CDH13: variants seen among roughly 807,000 people sequenced by gnomAD.
CDH13 encodes the protein cadherin-13.
Under a neutral mutation model 63.8 loss-of-function variants are expected in CDH13, and 24 were observed. The ratio of observed to expected loss-of-function variants is 0.38; its 90% confidence interval spans 0.27 to 0.53. The LOEUF (loss-of-function observed/expected upper bound fraction) is 0.53, where lower values mean the gene tolerates loss of function less well. CDH13 is among the 20% of genes least tolerant of loss of function. The pLI is 0.85. For missense variants in CDH13, 1,049 were observed against 903.1 expected (o/e 1.16, Z -2.07); for synonymous variants, 503 against 355.3 (o/e 1.42, Z -4.67).
intron 5 of CDH13, among the ~76,000 whole-genome samples, chr16:83,268,583 A>C (rs1432687645): frequency 5.9e-5 from 9 of 152,330 alleles, no homozygotes; most frequent in African/African-American, 1.2e-4. Flanking sequence ...GACAAAGTCT[A>C]CGTTTCTACG....
chr16:82,994,906 C>T (rs1240527257), intron 2 of CDH13, among the ~76,000 whole-genome samples: 1 of 152,182 alleles, frequency 6.6e-6, no homozygotes, highest in African/African-American at 2.4e-5. Flanking sequence ...CACATACTAG[C>T]TACATGACCT....
At chr16:83,770,470 CAA>C (rs913491663) in intron 11 of CDH13, among the ~76,000 whole-genome samples, 2 of 152,120 alleles carry the variant, frequency 1.3e-5, no homozygotes, top group African/African-American at 4.8e-5. Context: ...ATCCAGACTC[CAA>C]GAGAGAGTTC....
intron 2 of CDH13, among the ~76,000 whole-genome samples, chr16:82,991,562 C>T (rs1482715781): frequency 1.3e-5 from 2 of 152,106 alleles, no homozygotes; most frequent in South Asian, 2.1e-4. Context: ...TACTGCAATC[C>T]CTCATCTCAC....
intron 1 of CDH13, among the ~76,000 whole-genome samples, chr16:82,812,145 T>C (rs542735200): frequency 6.6e-6 from 1 of 152,228 alleles, no homozygotes; most frequent in African/African-American, 2.4e-5. Flanking sequence ...CTAACAATCA[T>C]TGTGCCAACA....
chr16:83,298,212 C>T (rs1413261006), intron 5 of CDH13, among the ~76,000 whole-genome samples: 1 of 151,882 alleles, frequency 6.6e-6, no homozygotes, highest in Admixed American at 6.6e-5. Flanking sequence ...CACTGCACTC[C>T]AGGCTGGGTG....
chr16:82,789,285 C>T (rs957021022), intron 1 of CDH13, among the ~76,000 whole-genome samples: 24 of 152,262 alleles, frequency 1.6e-4, no homozygotes, highest in African/African-American at 5.5e-4. Context: ...AGAACTAATT[C>T]AGTCTGATTC....
intron 2 of CDH13, 43 bp from the exon 3 acceptor site, chr16:83,031,967 C>A (rs746069538): frequency 3.4e-6 from 5 of 1,479,694 alleles, no homozygotes; most frequent in Middle Eastern, 1.7e-4. Flanking sequence ...GATAAGCTGC[C>A]CAACCTACTC....
At chr16:83,462,285 G>T (rs2073201861) in intron 6 of CDH13, among the ~76,000 whole-genome samples, 1 of 152,242 alleles carries the variant, frequency 6.6e-6, no homozygotes. Flanking sequence ...TCAGCAGCGG[G>T]CAAGGAAAAG....
chr16:82,853,104 C>T (rs1415771165), intron 1 of CDH13, among the ~76,000 whole-genome samples: 6 of 152,148 alleles, frequency 3.9e-5, no homozygotes, highest in Non-Finnish European at 7.4e-5. Context: ...AGGGTAGTGG[C>T]TCTTGCATGG....
intron 1 of CDH13, chr16:82,723,043 C>G (rs1335595337): frequency 6.6e-6 from 1 of 152,130 alleles, no homozygotes; most frequent in East Asian, 1.9e-4. Context: ...TAAAGTTGAC[C>G]TTCAGTCTAG....
intron 1 of CDH13, chr16:82,689,162 A>G (rs921433077): frequency 4.8e-5 from 6 of 123,932 alleles, no homozygotes; most frequent in African/African-American, 1.9e-4. Flanking sequence ...CCTGCATCCA[A>G]ACATTTTTTT....
chr16:83,384,680 A>T (rs2091638078), intron 6 of CDH13, among the ~76,000 whole-genome samples: 1 of 152,224 alleles, frequency 6.6e-6, no homozygotes, highest in Non-Finnish European at 1.5e-5. Flanking sequence ...GAGAGTGGTG[A>T]AGAGGAGGCT....
chr16:82,809,348 A>T (rs1186931319), intron 1 of CDH13, among the ~76,000 whole-genome samples: 1 of 151,716 alleles, frequency 6.6e-6, no homozygotes. Flanking sequence ...AAAAATGAGT[A>T]GTTTAGCCTT....
At chr16:83,065,362 G>A (rs1473043778) in intron 3 of CDH13, among the ~76,000 whole-genome samples, 1 of 152,122 alleles carries the variant, frequency 6.6e-6, no homozygotes, top group East Asian at 1.9e-4. Flanking sequence ...GGGTAAGATG[G>A]GATGGAGAAG....
intron 1 of CDH13, among the ~76,000 whole-genome samples, chr16:82,672,117 T>A (rs1448438052): frequency 6.6e-6 from 1 of 152,230 alleles, no homozygotes; most frequent in Non-Finnish European, 1.5e-5. Context: ...CGATTGGATT[T>A]CAAATTCTAA....
intron 5 of CDH13, among the ~76,000 whole-genome samples, chr16:83,289,779 T>G (rs1311087306): frequency 6.6e-6 from 1 of 152,210 alleles, no homozygotes; most frequent in Admixed American, 6.5e-5. Flanking sequence ...TTTCTGATCA[T>G]ATGTAAGGAT....
At chr16:83,635,970 C>T (rs914292537) in intron 8 of CDH13, among the ~76,000 whole-genome samples, 7 of 152,060 alleles carry the variant, frequency 4.6e-5, no homozygotes, top group Non-Finnish European at 1.0e-4. Context: ...CCTTTCGGAA[C>T]TGATTTTTTT....
chr16:83,428,691 T>C (rs1397974219), intron 6 of CDH13, among the ~76,000 whole-genome samples: 1 of 152,234 alleles, frequency 6.6e-6, no homozygotes, highest in African/African-American at 2.4e-5. Context: ...GACAAGGGGA[T>C]GGATGAGATT....
At chr16:82,775,673 A>G (rs1387770502) in intron 1 of CDH13, among the ~76,000 whole-genome samples, 1 of 152,128 alleles carries the variant, frequency 6.6e-6, no homozygotes, top group Admixed American at 6.5e-5. Context: ...AAAAAGTGAA[A>G]CCCAGGCATT....
Sources: gnomAD v4.1 joint callset for allele counts (sites outside exome capture counted in the v4.1 genomes callset) on GRCh38, gnomAD v4.1.1 for gene constraint, MANE v1.5 for transcripts, NCBI Gene and HGNC (gene_info 2026-07-23, HGNC 2026-07-21) for gene names.